Variants in WDPCP observed in about 807,000 individuals in gnomAD.
The protein encoded by WDPCP is WD repeat containing planar cell polarity effector.
WDPCP carries 71 observed loss-of-function variants against 93.1 expected under a neutral mutation model. That is an observed-to-expected ratio of 0.76 (90% CI 0.63 to 0.93). The LOEUF is 0.93. Ranked by LOEUF, WDPCP falls within the 40% of genes least tolerant of loss-of-function variation. WDPCP has a pLI of 0.00. For missense variants in WDPCP, 844 were observed against 887.4 expected (o/e 0.95, Z 0.62); for synonymous variants, 315 against 315.0 (o/e 1.00, Z 0.00).
chr2:63,311,320 A>C (rs1161775828), intron 13 of WDPCP, among the ~76,000 whole-genome samples: 1 of 152,126 alleles, frequency 6.6e-6, no homozygotes, highest in Non-Finnish European at 1.5e-5. Context: ...TAGGCTATAG[A>C]CCTCTGGCTA....
intron 15 of WDPCP, among the ~76,000 whole-genome samples, chr2:63,162,350 T>C (rs1672703078): frequency 6.6e-6 from 1 of 152,230 alleles, no homozygotes; most frequent in African/African-American, 2.4e-5. Context: ...TTGGTCTAAG[T>C]TCCTTTTCCT....
intron 9 of WDPCP, among the ~76,000 whole-genome samples, chr2:63,414,839 T>C (rs1695297699): frequency 6.6e-6 from 1 of 152,140 alleles, no homozygotes; most frequent in African/African-American, 2.4e-5. Flanking sequence ...CTTACTCATA[T>C]AACCAAATAC....
At chr2:63,448,465 CACA>C (rs1558648064) in intron 6 of WDPCP, among the ~76,000 whole-genome samples, 93 of 151,914 alleles carry the variant, frequency 6.1e-4, no homozygotes, top group African/African-American at 1.9e-3. Flanking sequence ...CACACACACA[CACA>C]CCCTTAATAT....
At chr2:63,535,237 C>A (rs1370631175) in intron 1 of WDPCP, among the ~76,000 whole-genome samples, 1 of 152,190 alleles carries the variant, frequency 6.6e-6, no homozygotes, top group Non-Finnish European at 1.5e-5. Context: ...GAAAAACATT[C>A]CATGCTCATG....
intron 2 of WDPCP, among the ~76,000 whole-genome samples, chr2:63,724,076 T>A (rs1372171328): frequency 6.6e-6 from 1 of 152,236 alleles, no homozygotes; most frequent in Non-Finnish European, 1.5e-5. Flanking sequence ...TTTGAGCAGT[T>A]TCTATGAGAG....
intron 10 of WDPCP, among the ~76,000 whole-genome samples, chr2:63,396,841 GTGTT>G (rs1266470433): frequency 6.6e-6 from 1 of 152,100 alleles, no homozygotes; most frequent in Non-Finnish European, 1.5e-5. Flanking sequence ...GTAGACCCCA[GTGTT>G]TGCTGTTCAT....
intron 3 of WDPCP, among the ~76,000 whole-genome samples, chr2:63,623,047 A>G (rs1709767108): frequency 6.6e-6 from 1 of 152,264 alleles, no homozygotes; most frequent in Admixed American, 6.5e-5. Flanking sequence ...ATTCTTAAAG[A>G]AAAGAATTTT....
chr2:63,739,121 T>C (rs1266294980), intron 2 of WDPCP, among the ~76,000 whole-genome samples: 1 of 152,192 alleles, frequency 6.6e-6, no homozygotes, highest in Admixed American at 6.5e-5. Flanking sequence ...GTACATATTA[T>C]TTTATCACCC....
chr2:63,225,417 G>C (rs537804789), intron 14 of WDPCP, among the ~76,000 whole-genome samples: 1 of 151,782 alleles, frequency 6.6e-6, no homozygotes, highest in African/African-American at 2.4e-5. Context: ...GAATTCTCAC[G>C]TATTGGCAGT....
chr2:63,336,618 G>T (rs992682950), intron 12 of WDPCP, among the ~76,000 whole-genome samples: 1 of 151,928 alleles, frequency 6.6e-6, no homozygotes, highest in African/African-American at 2.4e-5. Flanking sequence ...GGCTTTCCTC[G>T]TTGCTTCCAC....
chr2:63,437,908 T>C, intron 7 of WDPCP: 1 of 1,588,450 alleles, frequency 6.3e-7, no homozygotes, highest in Non-Finnish European at 8.6e-7. Context: ...GCTAAGAGTT[T>C]AATCCTATGT....
intron 3 of WDPCP, among the ~76,000 whole-genome samples, chr2:63,645,820 C>A (rs979297856): frequency 7.9e-5 from 12 of 152,144 alleles, no homozygotes; most frequent in Non-Finnish European, 1.5e-5. Context: ...AGTATAGCTA[C>A]TCCTGCTCTT....
At chr2:63,173,660 G>T (rs1024762942) in intron 15 of WDPCP, among the ~76,000 whole-genome samples, 4 of 152,118 alleles carry the variant, frequency 2.6e-5, no homozygotes, top group African/African-American at 9.7e-5. Context: ...TTTGTTGTTT[G>T]CCTTTGTGTG....
chr2:63,739,696 A>G (rs942410222), intron 2 of WDPCP, among the ~76,000 whole-genome samples: 2 of 152,092 alleles, frequency 1.3e-5, no homozygotes, highest in African/African-American at 2.4e-5. Context: ...CACTTCTACC[A>G]ACAGTGTATG....
chr2:63,732,309 C>T (rs1669572040), intron 2 of WDPCP, among the ~76,000 whole-genome samples: 2 of 152,202 alleles, frequency 1.3e-5, no homozygotes, highest in African/African-American at 2.4e-5. Flanking sequence ...AAAGACTAGG[C>T]TTATGCCCCA....
intron 2 of WDPCP, chr2:63,711,665 G>C (rs1249193629): frequency 6.6e-6 from 1 of 152,310 alleles, no homozygotes; most frequent in Non-Finnish European, 1.5e-5. Context: ...GGAGGCTAAA[G>C]GGGGAAGATC....
chr2:63,691,550 G>A (rs116458377), intron 2 of WDPCP, among the ~76,000 whole-genome samples: 7,022 of 152,174 alleles, frequency 0.046, 198 homozygotes, highest in South Asian at 0.08. Context: ...TGAAAGAATC[G>A]CTTGAACCTG....
chr2:63,261,463 T>C (rs1159091185), intron 13 of WDPCP, among the ~76,000 whole-genome samples: 7 of 152,200 alleles, frequency 4.6e-5, no homozygotes, highest in Non-Finnish European at 8.8e-5. Flanking sequence ...ACTCATGGAT[T>C]GATATCAGTA....
rs551860027 is a variant in WDPCP at position 63,749,438 on chromosome 2, G to A, written n.308+64184C>T. On this transcript the variant is annotated intron_variant and non_coding_transcript_variant, in intron 2 of 4. Transcript: ENST00000467687. ...CTTATAATTTTTTGACTTTATAGTG[G>A]TGCAAAGGTGATGTGCATTCAGTAG... 2.0e-5 allele frequency among the ~76,000 whole-genome samples: 3 copies of A among 152,138 alleles called. No individual in the cohort carries two copies. In the South Asian group the frequency reaches 6.2e-4, roughly 31 times the overall value.
Sources: allele counts gnomAD v4.1 joint callset (sites outside exome capture counted in the v4.1 genomes callset), GRCh38; gene constraint gnomAD v4.1.1; transcripts MANE v1.5; gene names NCBI Gene and HGNC (gene_info 2026-07-23, HGNC 2026-07-21).